The following ALK variants were observed in gnomAD, a reference collection of about 807,000 sequenced individuals.
The protein encoded by ALK is ALK receptor tyrosine kinase.
In ALK, 74 loss-of-function variants were observed where a neutral mutation model predicts 163.1. The ratio of observed to expected loss-of-function variants is 0.45; its 90% confidence interval spans 0.38 to 0.55. The LOEUF (loss-of-function observed/expected upper bound fraction) is 0.55, where lower values mean the gene tolerates loss of function less well. ALK is among the 20% of genes least tolerant of loss of function. ALK has a pLI of 0.00. For missense variants in ALK, 2,063 were observed against 2,105.3 expected, an observed-to-expected ratio of 0.98 and a Z score of 0.39; for synonymous variants, 960 against 843.2, an observed-to-expected ratio of 1.14 and a Z score of -2.40.
chr2:29,663,486 A>G (rs184245162), intron 3 of ALK, among the ~76,000 whole-genome samples: 28 of 152,212 alleles, frequency 1.8e-4, no homozygotes, highest in African/African-American at 6.3e-4. Context: ...ACTTTTACCC[A>G]AGAAAGAGTA....
chr2:29,427,552 A>C (rs565058961), intron 4 of ALK, among the ~76,000 whole-genome samples: 1 of 152,084 alleles, frequency 6.6e-6, no homozygotes, highest in African/African-American at 2.4e-5. Context: ...ACTCAATAGA[A>C]TGTCGAGAAA....
intron 5 of ALK, among the ~76,000 whole-genome samples, chr2:29,382,928 T>C (rs960293471): frequency 2.6e-5 from 4 of 152,214 alleles, no homozygotes; most frequent in African/African-American, 9.6e-5. Flanking sequence ...GAAGCTGGGT[T>C]GGTGAGGGGT....
At chr2:29,860,604 A>G (rs147377187) in intron 1 of ALK, among the ~76,000 whole-genome samples, 1 of 152,276 alleles carries the variant, frequency 6.6e-6, no homozygotes, top group Non-Finnish European at 1.5e-5. Flanking sequence ...CACACAAAAC[A>G]TTCTCCAGGA....
At chr2:29,727,825 A>G (rs890058179) in intron 1 of ALK, among the ~76,000 whole-genome samples, 3 of 151,836 alleles carry the variant, frequency 2.0e-5, no homozygotes, top group African/African-American at 7.3e-5. Flanking sequence ...ATGGTGATCA[A>G]TGTTACCCTT....
chr2:29,257,341 A>G (rs1449475661), intron 11 of ALK, among the ~76,000 whole-genome samples: 2 of 152,238 alleles, frequency 1.3e-5, no homozygotes, highest in East Asian at 3.8e-4. Flanking sequence ...AAGAACCCAC[A>G]AATATCAAAA....
chr2:29,882,385 A>G (rs1666889175), intron 1 of ALK, among the ~76,000 whole-genome samples: 1 of 152,210 alleles, frequency 6.6e-6, no homozygotes, highest in Non-Finnish European at 1.5e-5. Context: ...ATTGAAACTT[A>G]ATTTGTTTAT....
chr2:29,280,601 A>G (rs1290182026), intron 9 of ALK, among the ~76,000 whole-genome samples: 5 of 149,756 alleles, frequency 3.3e-5, no homozygotes, highest in South Asian at 2.1e-4. Context: ...AAGTTCTAGT[A>G]TGTACCAGGT....
intron 4 of ALK, among the ~76,000 whole-genome samples, chr2:29,490,092 G>A (rs1343467712): frequency 2.0e-5 from 3 of 152,234 alleles, no homozygotes; most frequent in African/African-American, 7.2e-5. Flanking sequence ...CTGGGGACAA[G>A]GGACAAAGGA....
chr2:29,913,495 C>A (rs977391350), intron 1 of ALK, among the ~76,000 whole-genome samples: 6 of 152,176 alleles, frequency 3.9e-5, no homozygotes, highest in Non-Finnish European at 8.8e-5. Context: ...CAGAGCAACA[C>A]AATGGCTGTA....
chr2:29,877,158 A>G lies in ALK; in HGVS notation c.667+42835T>C, dbSNP rs1666744742. Among the ~76,000 whole-genome samples the G allele has an allele frequency of 1.3e-5, 2 of 152,238 alleles. 1 individual carries two copies. The highest frequency in any genetic ancestry group is 4.1e-4 in the South Asian group (2 of 4,828). The stretch of plus-strand genomic sequence containing the variant: ...ACATTTGCATATCAAAAATAAACAT[A>G]AATATATAACTTCTTTTTGCCTGTT... On this transcript the variant is annotated intron_variant, in intron 1 of 28. Coordinates refer to ENST00000389048, the MANE Select transcript of ALK (RefSeq NM_004304.5).
chr2:29,372,327 T>C (rs190368462), intron 5 of ALK, among the ~76,000 whole-genome samples: 1 of 152,154 alleles, frequency 6.6e-6, no homozygotes, highest in East Asian at 1.9e-4. Context: ...GAGAGCTGAG[T>C]CATCTAGTCC....
intron 1 of ALK, among the ~76,000 whole-genome samples, chr2:29,888,297 A>G (rs1280546487): frequency 6.7e-6 from 1 of 148,442 alleles, no homozygotes; most frequent in Admixed American, 6.8e-5. Flanking sequence ...CTAATGATCA[A>G]TGATCACAAT....
At chr2:29,835,210 T>C (rs1665526320) in intron 1 of ALK, among the ~76,000 whole-genome samples, 1 of 152,162 alleles carries the variant, frequency 6.6e-6, no homozygotes, top group Non-Finnish European at 1.5e-5. Flanking sequence ...TCTAAGCTGA[T>C]TTAGAGGCTG....
intron 11 of ALK, among the ~76,000 whole-genome samples, chr2:29,254,553 G>C (rs13424578): frequency 6.6e-6 from 1 of 152,146 alleles, no homozygotes; most frequent in Non-Finnish European, 1.5e-5. Flanking sequence ...ATTCAGATAG[G>C]CTGTGTTCTC....
intron 4 of ALK, among the ~76,000 whole-genome samples, chr2:29,473,128 G>C (rs949556990): frequency 2.6e-5 from 4 of 152,216 alleles, no homozygotes; most frequent in African/African-American, 7.2e-5. Context: ...TAAAGCTCCT[G>C]TATTTAAAAC....
At chr2:29,203,485 C>CTTTTTTTTTTTTT in intron 26 of ALK, among the ~76,000 whole-genome samples, 838 of 32,550 alleles carry the variant, frequency 0.026, 381 homozygotes, top group Non-Finnish European at 0.026. Context: ...GAGGATGTGC[C>CTTTTTTTTTTTTT]TTTTTTTTTT....
At chr2:29,707,508 T>C (rs970612881) in intron 2 of ALK, among the ~76,000 whole-genome samples, 2 of 152,152 alleles carry the variant, frequency 1.3e-5, no homozygotes, top group African/African-American at 4.8e-5. Context: ...GGGCTGCATC[T>C]TGAAGGATGA....
chr2:29,336,530 T>G (rs1449343589), intron 5 of ALK, among the ~76,000 whole-genome samples: 1 of 152,238 alleles, frequency 6.6e-6, no homozygotes, highest in Non-Finnish European at 1.5e-5. Context: ...AGATTTGCAC[T>G]GGAGACACAT....
rs1484797934 is a variant in ALK, at chr2:29,920,002, A to G, written c.658T>C (p.Phe220Leu). 1 of 1,613,670 alleles carries G rather than the reference A, an allele frequency of 6.2e-7. No homozygotes were observed. Among genetic ancestry groups the G allele is most frequent in the African/African-American group, 1.3e-5 (1 of 74,952 alleles). The change falls in exon 1 of 29, where the codon TTC (phenylalanine) becomes CTC (leucine). Residue 220 changes from phenylalanine to leucine, a missense_variant. Phe to Leu is a conservative substitution (Grantham distance 22). Transcript: ENST00000389048. ...ASQPRLLFQI[F>L]GTGHSSLESP... ...GGCGGGAGCTGCTCACCAGTCCCGA[A>G]GATCTGGAAGAGAAGGCGGGGCTGG...
Sources: gnomAD v4.1 joint callset for allele counts (sites outside exome capture counted in the v4.1 genomes callset) on GRCh38, gnomAD v4.1.1 for gene constraint, MANE v1.5 for transcripts, NCBI Gene and HGNC (gene_info 2026-07-23, HGNC 2026-07-21) for gene names.